The following DOK6 variants were observed in gnomAD, a reference collection of about 807,000 sequenced individuals.
DOK6 encodes docking protein 6.
DOK6 carries 22 observed loss-of-function variants against 44.0 expected under a neutral mutation model. The ratio of observed to expected loss-of-function variants is 0.50; its 90% CI spans 0.36 to 0.71. The LOEUF is 0.71. Among genes scored for constraint, DOK6 ranks in the 30% least tolerant of loss-of-function variants. DOK6 has a pLI of 0.00. For synonymous variants in DOK6, 166 were observed against 145.5 expected, an observed-to-expected ratio of 1.14 and a Z score of -1.01; for missense variants, 340 against 416.4, an observed-to-expected ratio of 0.82 and a Z score of 1.60.
At chr18:69,509,470 T>C (rs895579747) in intron 1 of DOK6, among the ~76,000 whole-genome samples, 9 of 151,910 alleles carry the variant, frequency 5.9e-5, no homozygotes, top group Non-Finnish European at 8.8e-5. Context: ...ACCCCGTCTC[T>C]ACTAAAAAAT....
At chr18:69,511,530 C>G (rs983266682) in intron 1 of DOK6, among the ~76,000 whole-genome samples, 6 of 152,116 alleles carry the variant, frequency 3.9e-5, no homozygotes, top group African/African-American at 1.2e-4. Flanking sequence ...GGAGATGAAG[C>G]CTGTTTTACA....
chr18:69,801,566 G>C lies in DOK6; in HGVS notation c.857-39678G>C, dbSNP rs534518464. The stretch of plus-strand genomic sequence containing the variant: ...CATGATCTCAGTAGAAATGACTGCT[G>C]TGGTCCCATTGTAATGACTCCCTTT... On this transcript the variant is annotated intron_variant, in intron 7 of 7. Coordinates refer to ENST00000382713, the MANE Select transcript of DOK6 (RefSeq NM_152721.6). Among the ~76,000 whole-genome samples, 18 of 152,280 alleles carry C rather than the reference G, an allele frequency of 1.2e-4. No homozygotes were observed. The South Asian group carries it at 3.5e-3, about 30-fold the overall frequency.
intron 1 of DOK6, among the ~76,000 whole-genome samples, chr18:69,419,298 A>G (rs1462055026): frequency 6.6e-6 from 1 of 152,170 alleles, no homozygotes; most frequent in Non-Finnish European, 1.5e-5. Context: ...CTTGATACTC[A>G]TGGTTTTAAC....
At chr18:69,726,590 C>T (rs138870684) in intron 5 of DOK6, among the ~76,000 whole-genome samples, 43 of 152,066 alleles carry the variant, frequency 2.8e-4, no homozygotes, top group African/African-American at 8.2e-4. Context: ...ATACCATAAA[C>T]GGGGTGGCCT....
chr18:69,421,347 T>C (rs1978487094), intron 1 of DOK6, among the ~76,000 whole-genome samples: 1 of 152,042 alleles, frequency 6.6e-6, no homozygotes, highest in African/African-American at 2.4e-5. Flanking sequence ...AGCTCAAGAG[T>C]ACCAAGTTCT....
chr18:69,455,028 G>A (rs958382079), intron 1 of DOK6, among the ~76,000 whole-genome samples: 1 of 148,442 alleles, frequency 6.7e-6, no homozygotes, highest in East Asian at 2.0e-4. Context: ...CCTGCACAAT[G>A]TGCACATGTA....
chr18:69,541,384 A>G (rs1244883120), intron 1 of DOK6, among the ~76,000 whole-genome samples: 1 of 151,540 alleles, frequency 6.6e-6, no homozygotes, highest in Admixed American at 6.6e-5. Context: ...AGTGGGTGGG[A>G]TCTGTGCATT....
chr18:69,457,930 G>T (rs1291851824), intron 1 of DOK6, among the ~76,000 whole-genome samples: 1 of 152,174 alleles, frequency 6.6e-6, no homozygotes, highest in Non-Finnish European at 1.5e-5. Context: ...GATCACCTGA[G>T]GTCAGGAGTT....
At chr18:69,488,985 G>A (rs1352153357) in intron 1 of DOK6, among the ~76,000 whole-genome samples, 2 of 152,154 alleles carry the variant, frequency 1.3e-5, no homozygotes, top group African/African-American at 4.8e-5. Context: ...CTTATTGATG[G>A]AGTCCATAGG....
At chr18:69,813,019 C>G (rs1273205311) in intron 7 of DOK6, among the ~76,000 whole-genome samples, 1 of 152,064 alleles carries the variant, frequency 6.6e-6, no homozygotes. Flanking sequence ...AAATAAATTG[C>G]AAGATACCAG....
chr18:69,697,825 T>C (rs1258494512), intron 4 of DOK6, among the ~76,000 whole-genome samples: 1 of 152,232 alleles, frequency 6.6e-6, no homozygotes, highest in South Asian at 2.1e-4. Flanking sequence ...TCTTAAGTTC[T>C]GCGGAAGGCT....
intron 5 of DOK6, chr18:69,721,186 T>C (rs1978288273): frequency 6.6e-6 from 1 of 152,220 alleles, no homozygotes; most frequent in Non-Finnish European, 1.5e-5. Context: ...TAAAATGTTA[T>C]AGAATATATA....
At chr18:69,682,264 A>G (rs1343865594) in intron 4 of DOK6, among the ~76,000 whole-genome samples, 1 of 152,226 alleles carries the variant, frequency 6.6e-6, no homozygotes, top group East Asian at 1.9e-4. Context: ...GAAGCTCACA[A>G]AGTAGTAAAG....
chr18:69,444,682 C>T, intron 1 of DOK6, among the ~76,000 whole-genome samples: 1 of 146,660 alleles, frequency 6.8e-6, no homozygotes, highest in African/African-American at 2.5e-5. Context: ...CTCACTCTGT[C>T]CCCCAGGCTG....
At chr18:69,531,587 C>T (rs1981987777) in intron 1 of DOK6, among the ~76,000 whole-genome samples, 1 of 151,936 alleles carries the variant, frequency 6.6e-6, no homozygotes, top group African/African-American at 2.4e-5. Flanking sequence ...GAAGTCCAGA[C>T]ATACAGAACC....
chr18:69,838,029 T>A (rs1204913223), intron 7 of DOK6, among the ~76,000 whole-genome samples: 2 of 152,208 alleles, frequency 1.3e-5, no homozygotes, highest in African/African-American at 4.8e-5. Context: ...TGGAATTTTT[T>A]AATAGATGAT....
rs1982242889 is a variant in DOK6, at chr18:69,842,141, T to TAAGAAA, written c.*760_*761insGAAAAA. 1 of 141,298 alleles carries TAAGAAA rather than the reference T, an allele frequency of 7.1e-6. No individual in the cohort carries two copies. The allele number at this position is 141,298 out of a possible 1,614,324, so 8.8% of individuals were successfully genotyped here. On this transcript the variant is annotated 3_prime_UTR_variant, in exon 8 of 8. Transcript: ENST00000382713. Reference sequence around the variant, plus strand: ...AATAGCTATTTTTAAAATAGTGCTGTAAAAAAAAAAAAAAAAAAGGCTTCT... The same window carrying TAAGAAA: ...AATAGCTATTTTTAAAATAGTGCTGTAAGAAAAAAAAAAAAAAAAAAAAAGGCTTCT...
intron 1 of DOK6, among the ~76,000 whole-genome samples, chr18:69,449,896 G>A (rs527557224): frequency 1.2e-4 from 18 of 150,174 alleles, no homozygotes; most frequent in Middle Eastern, 3.4e-3. Flanking sequence ...CATCCACACC[G>A]AAAACCCATC....
chr18:69,633,490 A>G (rs1443938958), intron 3 of DOK6, among the ~76,000 whole-genome samples: 1 of 152,188 alleles, frequency 6.6e-6, no homozygotes, highest in East Asian at 1.9e-4. Context: ...TTCTTAGTAT[A>G]CATATCTTGC....
Sources: gnomAD v4.1 joint callset for allele counts (sites outside exome capture counted in the v4.1 genomes callset) on GRCh38, gnomAD v4.1.1 for gene constraint, MANE v1.5 for transcripts, NCBI Gene and HGNC (gene_info 2026-07-23, HGNC 2026-07-21) for gene names.